Variants in PTPRJ observed in about 807,000 individuals in gnomAD.
The protein encoded by PTPRJ is protein tyrosine phosphatase receptor type J, also known as receptor-type tyrosine-protein phosphatase eta.
Under a neutral mutation model 141.3 loss-of-function variants are expected in PTPRJ, and 129 were observed. The observed-to-expected ratio is 0.91, with a 90% confidence interval of 0.79 to 1.06. PTPRJ has a LOEUF of 1.06. PTPRJ is among the 50% of genes least tolerant of loss of function. The pLI, the probability that PTPRJ is intolerant of heterozygous loss-of-function variation, is 0.00. For missense variants in PTPRJ, 1,601 were observed against 1,679.7 expected (o/e 0.95, Z 0.82); for synonymous variants, 610 against 640.5 (o/e 0.95, Z 0.72).
At chr11:48,163,714 G>A in intron 23 of PTPRJ, 96 bp downstream of exon 23, 1 of 1,350,482 alleles carries the variant, frequency 7.4e-7, no homozygotes, top group Non-Finnish European at 1.0e-6. Flanking sequence ...AATGTAATAG[G>A]CATTTATGAA....
intron 1 of PTPRJ, among the ~76,000 whole-genome samples, chr11:48,069,299 C>T (rs1325619695): frequency 2.0e-5 from 3 of 151,100 alleles, no homozygotes; most frequent in Non-Finnish European, 4.4e-5. Context: ...GGGATTTCAC[C>T]ATGTTGGCCA....
intron 2 of PTPRJ, among the ~76,000 whole-genome samples, chr11:48,110,427 G>T (rs1303657548): frequency 2.0e-5 from 3 of 152,142 alleles, no homozygotes; most frequent in African/African-American, 7.2e-5. Flanking sequence ...TTGAACTCCT[G>T]ACCTCAGGTG....
At chr11:48,100,465 C>T (rs1475333040) in intron 1 of PTPRJ, among the ~76,000 whole-genome samples, 1 of 152,170 alleles carries the variant, frequency 6.6e-6, no homozygotes, top group Non-Finnish European at 1.5e-5. Context: ...TAATACTTGT[C>T]ACAACAGTCT....
At chr11:48,082,638 C>T (rs1395859247) in intron 1 of PTPRJ, among the ~76,000 whole-genome samples, 1 of 146,752 alleles carries the variant, frequency 6.8e-6, no homozygotes, top group East Asian at 2.0e-4. Flanking sequence ...TTTTTAATGG[C>T]GATGTAGTAA....
Position 48,168,636 on chromosome 11 carries a change from A to T in PTPRJ, c.*1274A>T, listed in dbSNP as rs921758738. Reference sequence around the variant, plus strand: ...ATGAATTGAGGTGTACAAAGTTTGAATTTGTATCAAAGATGTAATTATTAT... The same window carrying T: ...ATGAATTGAGGTGTACAAAGTTTGATTTTGTATCAAAGATGTAATTATTAT... On this transcript the variant is annotated 3_prime_UTR_variant, in exon 25 of 25. Transcript: ENST00000418331. The T allele has an allele frequency of 1.4e-5, 2 of 138,374 alleles. No individual in the cohort carries two copies. Among genetic ancestry groups the T allele is most frequent in the African/African-American group, 5.4e-5 (2 of 37,048 alleles). The allele number at this position is 138,374 out of a possible 1,614,324, so 8.6% of individuals were successfully genotyped here.
chr11:48,053,930 CTTTT>C (rs11290681), intron 1 of PTPRJ, among the ~76,000 whole-genome samples: 2 of 93,954 alleles, frequency 2.1e-5, no homozygotes. Flanking sequence ...GCACCTCGTT[CTTTT>C]TTTTTTTTTT....
chr11:48,163,218 C>T (rs535090170), intron 22 of PTPRJ, among the ~76,000 whole-genome samples: 14 of 152,118 alleles, frequency 9.2e-5, no homozygotes, highest in Non-Finnish European at 1.8e-4. Flanking sequence ...GGGGAAATGA[C>T]TTCACTTCTG....
intron 14 of PTPRJ, among the ~76,000 whole-genome samples, chr11:48,145,691 T>A (rs548014290): frequency 6.6e-6 from 1 of 151,702 alleles, no homozygotes; most frequent in South Asian, 2.1e-4. Flanking sequence ...CCTGAGTAGC[T>A]GGGATTACAG....
chr11:48,006,821 TAA>T (rs1283146517), intron 1 of PTPRJ, among the ~76,000 whole-genome samples: 1 of 152,146 alleles, frequency 6.6e-6, no homozygotes, highest in Non-Finnish European at 1.5e-5. Context: ...AGTTAGAAAA[TAA>T]AGACAGAAAC....
chr11:48,161,487 G>A (rs921989426), intron 22 of PTPRJ, among the ~76,000 whole-genome samples: 4 of 152,140 alleles, frequency 2.6e-5, no homozygotes, highest in African/African-American at 9.7e-5. Context: ...GTCTCAAAGG[G>A]TCTGGCCTCA....
chr11:48,121,922 G>A (rs771719792), intron 4 of PTPRJ, among the ~76,000 whole-genome samples: 4 of 152,098 alleles, frequency 2.6e-5, no homozygotes, highest in Non-Finnish European at 5.9e-5. Flanking sequence ...AGGGGGCTGG[G>A]GAGTGTGATC....
intron 21 of PTPRJ, among the ~76,000 whole-genome samples, chr11:48,159,123 G>GGGGGTGTGTGTC (rs1555058316): frequency 1.3e-4 from 18 of 139,556 alleles, no homozygotes; most frequent in Non-Finnish European, 1.7e-4. Context: ...TGTATGTGGG[G>GGGGGTGTGTGTC]TGTGTGTGTG....
At chr11:48,065,168 C>T (rs1855052286) in intron 1 of PTPRJ, among the ~76,000 whole-genome samples, 1 of 151,814 alleles carries the variant, frequency 6.6e-6, no homozygotes, top group Admixed American at 6.6e-5. Flanking sequence ...GCATGCACCA[C>T]CATGCCTGGC....
intron 13 of PTPRJ, 39 bp from the exon 14 acceptor site, chr11:48,144,961 C>G (rs375770049): frequency 6.2e-7 from 1 of 1,614,132 alleles, no homozygotes; most frequent in East Asian, 2.2e-5. Flanking sequence ...CGGTCAGACA[C>G]GTCTCAGGGA....
intron 18 of PTPRJ, among the ~76,000 whole-genome samples, chr11:48,150,956 T>C (rs1458640893): frequency 6.6e-6 from 1 of 152,230 alleles, no homozygotes; most frequent in East Asian, 1.9e-4. Context: ...ACTGCCTTGT[T>C]TCCCCTGTTG....
chr11:48,049,095 G>A (rs906467098), intron 1 of PTPRJ, among the ~76,000 whole-genome samples: 1 of 152,158 alleles, frequency 6.6e-6, no homozygotes, highest in Admixed American at 6.5e-5. Flanking sequence ...TTCTGGTACA[G>A]TTTCTCAGCC....
chr11:48,107,272 GAA>G (rs1856318097), intron 1 of PTPRJ, among the ~76,000 whole-genome samples: 1 of 152,002 alleles, frequency 6.6e-6, no homozygotes, highest in African/African-American at 2.4e-5. Context: ...AAAGAGAAAA[GAA>G]AGAGTTCGAC....
intron 1 of PTPRJ, among the ~76,000 whole-genome samples, chr11:48,051,491 A>G (rs1351436277): frequency 3.3e-5 from 5 of 152,204 alleles, no homozygotes; most frequent in African/African-American, 4.8e-5. Flanking sequence ...TGTGCTGATT[A>G]AATGTGATGT....
intron 3 of PTPRJ, among the ~76,000 whole-genome samples, chr11:48,113,307 C>G (rs1456489290): frequency 6.6e-6 from 1 of 152,128 alleles, no homozygotes; most frequent in Non-Finnish European, 1.5e-5. Context: ...TTACATGTAG[C>G]TTCTCACCAA....
Sources: gnomAD v4.1 joint callset for allele counts (sites outside exome capture counted in the v4.1 genomes callset) on GRCh38, gnomAD v4.1.1 for gene constraint, MANE v1.5 for transcripts, NCBI Gene and HGNC (gene_info 2026-07-23, HGNC 2026-07-21) for gene names.